GLI2: variants seen among roughly 807,000 people sequenced by gnomAD.
GLI2 encodes transcription activator GLI2.
GLI2 carries 22 observed loss-of-function variants against 78.9 expected under a neutral mutation model. The observed-to-expected ratio is 0.28, with a 90% confidence interval of 0.20 to 0.40. The LOEUF (loss-of-function observed/expected upper bound fraction) is 0.40, where lower values mean the gene tolerates loss of function less well. Among genes scored for constraint, GLI2 ranks in the 10% least tolerant of loss-of-function variants. GLI2 has a pLI of 1.00. For synonymous variants in GLI2, 974 were observed against 963.7 expected (o/e 1.01, Z -0.20); for missense variants, 2,097 against 2,213.2 (o/e 0.95, Z 1.05).
intron 2 of GLI2, among the ~76,000 whole-genome samples, chr2:120,863,565 T>A (rs972925227): frequency 6.6e-6 from 1 of 152,268 alleles, no homozygotes; most frequent in African/African-American, 2.4e-5. Context: ...ATTTTTTAAA[T>A]AGAGGTTTTA....
At chr2:120,759,330 G>C (rs1232745551) in intron 1 of GLI2, among the ~76,000 whole-genome samples, 1 of 152,100 alleles carries the variant, frequency 6.6e-6, no homozygotes, top group African/African-American at 2.4e-5. Flanking sequence ...AGTCCCACAA[G>C]ACCGCCCCAC....
intron 2 of GLI2, 37 bp from the exon 3 acceptor site, chr2:120,927,324 A>G (rs755192670): frequency 5.7e-5 from 83 of 1,448,064 alleles, no homozygotes; most frequent in Non-Finnish European, 7.5e-5. Flanking sequence ...GGAGGGGGAA[A>G]GTTTTTGAAG....
At chr2:120,852,557 T>A (rs565392764) in intron 2 of GLI2, among the ~76,000 whole-genome samples, 1 of 152,296 alleles carries the variant, frequency 6.6e-6, no homozygotes, top group African/African-American at 2.4e-5. Context: ...AGTGCCAGCA[T>A]TCCAGAGGCA....
In GLI2 at chr2:120,836,507, T is replaced by G. The variant is rs1024926341; in HGVS notation, c.148+39039T>G. Among the ~76,000 whole-genome samples the G allele has an allele frequency of 2.6e-5, 4 of 152,242 alleles. No individual in the cohort carries two copies. The South Asian group carries it at 8.3e-4, about 32-fold the overall frequency. On this transcript the variant is annotated intron_variant, in intron 2 of 13. Transcript: ENST00000361492. ...GGTAATTTACATTATTTACACTTTT[T>G]TATTGTTGCAGACATTGTTGCCATG...
Position 120,800,473 on chromosome 2 carries a change from T to TTTTTTA in GLI2, c.148+3007_148+3008insTTTATT, listed in dbSNP as rs1553449723. Among the ~76,000 whole-genome samples the TTTTTTA allele has an allele frequency of 1.1e-3, 161 of 148,554 alleles. No individual in the cohort carries two copies. Among genetic ancestry groups the TTTTTTA allele is most frequent in the Middle Eastern group, 3.4e-3 (1 of 290 alleles). Reference sequence around the variant, plus strand: ...TTTGCTGTCTGGCGGAAAGGGATGATTTATTATTATTATTATTATTTTATT... The same window carrying TTTTTTA: ...TTTGCTGTCTGGCGGAAAGGGATGATTTTTTATTATTATTATTATTATTATTTTATT... On this transcript the variant is annotated intron_variant, in intron 2 of 13. Transcript: ENST00000361492. The surrounding 1 kb of genome is among the most constrained non-coding windows in gnomAD (Gnocchi z 4.1).
chr2:120,970,697 A>C (rs1014176675), intron 7 of GLI2, 91 bp downstream of exon 7: 2 of 1,111,496 alleles, frequency 1.8e-6, no homozygotes, highest in African/African-American at 3.1e-5. Context: ...GAACTTGTGG[A>C]GGGCCTCTGG....
chr2:120,814,749 G>T (rs1012014099), intron 2 of GLI2, among the ~76,000 whole-genome samples: 17 of 152,106 alleles, frequency 1.1e-4, no homozygotes, highest in Admixed American at 5.9e-4. Context: ...ATGCACCTGA[G>T]GTGGAACAGT....
intron 5 of GLI2, among the ~76,000 whole-genome samples, chr2:120,967,933 T>C (rs1681939221): frequency 6.6e-6 from 1 of 152,148 alleles, no homozygotes; most frequent in South Asian, 2.1e-4. Flanking sequence ...GGCCCAGACA[T>C]TGCGAAGAGT....
chr2:120,892,214 G>A (rs1040531167), intron 2 of GLI2, among the ~76,000 whole-genome samples: 4 of 152,162 alleles, frequency 2.6e-5, no homozygotes, highest in Non-Finnish European at 4.4e-5. Flanking sequence ...TTGACCTGTT[G>A]AAGGTTCTTC....
chr2:120,943,230 G>A (rs1268514760), intron 3 of GLI2, among the ~76,000 whole-genome samples: 1 of 152,204 alleles, frequency 6.6e-6, no homozygotes, highest in African/African-American at 2.4e-5. Flanking sequence ...GGGGCACCTT[G>A]GGTGAGAGGT....
chr2:120,778,448 C>T (rs79369178), intron 1 of GLI2, among the ~76,000 whole-genome samples: 8,347 of 152,232 alleles, frequency 0.055, 359 homozygotes, highest in Admixed American at 0.11. Context: ...TTAGGGGGCA[C>T]GGTGGGTTAC....
At chr2:120,861,097 TG>T (rs1164297777) in intron 2 of GLI2, among the ~76,000 whole-genome samples, 1 of 152,150 alleles carries the variant, frequency 6.6e-6, no homozygotes, top group Non-Finnish European at 1.5e-5. Context: ...AATGACTGGG[TG>T]ATGATTAGAG....
chr2:120,825,834 G>A (rs542151528), intron 2 of GLI2, among the ~76,000 whole-genome samples: 3 of 152,226 alleles, frequency 2.0e-5, no homozygotes, highest in Non-Finnish European at 2.9e-5. Context: ...AAGCCCCAAG[G>A]CCAGGAGATG....
chr2:120,845,994 G>A (rs1318637559), intron 2 of GLI2, among the ~76,000 whole-genome samples: 1 of 152,160 alleles, frequency 6.6e-6, no homozygotes, highest in Non-Finnish European at 1.5e-5. Context: ...GCAGAGCCAG[G>A]ATCTGGGTCT....
chr2:120,834,960 C>T (rs936333503), intron 2 of GLI2, among the ~76,000 whole-genome samples: 3 of 152,148 alleles, frequency 2.0e-5, no homozygotes, highest in East Asian at 1.9e-4. Context: ...CTCTTCAGCT[C>T]GTTTTCCACT....
chr2:120,881,760 A>AGGTGG lies in GLI2; in HGVS notation c.149-45601_149-45600insGGTGG, dbSNP rs1558854435. Reference sequence around the variant, plus strand: ...GCGGGGGAGAACAGTGCGGAGTGGCACGGTCGCCGGGAGAACAGTGGGGAG... The same window carrying AGGTGG: ...GCGGGGGAGAACAGTGCGGAGTGGCAGGTGGCGGTCGCCGGGAGAACAGTGGGGAG... On this transcript the variant is annotated intron_variant, in intron 2 of 13. Coordinates refer to ENST00000361492, the MANE Select transcript of GLI2 (RefSeq NM_001374353.1). Among the ~76,000 whole-genome samples, 31 of 5,334 alleles carry AGGTGG rather than the reference A, an allele frequency of 5.8e-3. 4 individuals are homozygous for AGGTGG. The highest frequency in any genetic ancestry group is 7.9e-3 in the Non-Finnish European group (24 of 3,046). The allele number at this position is 5,334 out of a possible 152,430, so 3.5% of individuals were successfully genotyped here.
intron 1 of GLI2, among the ~76,000 whole-genome samples, chr2:120,795,260 G>A (rs954378862): frequency 3.3e-5 from 5 of 151,722 alleles, no homozygotes; most frequent in African/African-American, 4.8e-5. Context: ...GTTGGCTCAC[G>A]CCTGCAGTCC....
intron 1 of GLI2, among the ~76,000 whole-genome samples, chr2:120,788,865 TG>T (rs1237815127): frequency 2.6e-5 from 4 of 151,800 alleles, no homozygotes; most frequent in African/African-American, 9.7e-5. Flanking sequence ...CTGAAAGAGG[TG>T]GGGACAGCAG....
At chr2:120,802,387 C>T (rs944025041) in intron 2 of GLI2, among the ~76,000 whole-genome samples, 2 of 152,168 alleles carry the variant, frequency 1.3e-5, no homozygotes, top group African/African-American at 2.4e-5. Context: ...ACGGCAGAAG[C>T]CTGGGAGGGC....
Sources: gnomAD v4.1 joint callset for allele counts (sites outside exome capture counted in the v4.1 genomes callset) on GRCh38, gnomAD v4.1.1 for gene constraint, Gnocchi (gnomAD v3.1) non-coding constraint, MANE v1.5 for transcripts, NCBI Gene and HGNC (gene_info 2026-07-23, HGNC 2026-07-21) for gene names.